GAREM1: variants seen among roughly 807,000 people sequenced by gnomAD.
GAREM1 encodes the protein GRB2 associated regulator of MAPK1 subtype 1.
In GAREM1, 26 loss-of-function variants were observed where a neutral mutation model predicts 71.3. That is an observed-to-expected ratio of 0.36 (90% CI 0.27 to 0.51). GAREM1 has a LOEUF of 0.51. Ranked by LOEUF, GAREM1 falls within the 20% of genes least tolerant of loss-of-function variation. The pLI, the probability that GAREM1 is intolerant of heterozygous loss-of-function variation, is 0.95. For missense variants in GAREM1, 1,026 were observed against 1,103.1 expected, an observed-to-expected ratio of 0.93 and a Z score of 0.99; for synonymous variants, 440 against 433.2, an observed-to-expected ratio of 1.02 and a Z score of -0.20.
chr18:32,270,728 A>G (rs2041448753), intron 4 of GAREM1, among the ~76,000 whole-genome samples: 1 of 152,160 alleles, frequency 6.6e-6, no homozygotes, highest in African/African-American at 2.4e-5. Flanking sequence ...AAGAGGAAGT[A>G]TTAAGAAAAT....
At chr18:32,359,893 TC>T (rs2144607464) in intron 2 of GAREM1, among the ~76,000 whole-genome samples, 1 of 151,958 alleles carries the variant, frequency 6.6e-6, no homozygotes, top group South Asian at 2.1e-4. Flanking sequence ...ACCACCACAC[TC>T]CAGCCTGGGC....
intron 1 of GAREM1, among the ~76,000 whole-genome samples, chr18:32,457,000 AT>A (rs1599061838): frequency 6.6e-6 from 1 of 152,116 alleles, no homozygotes; most frequent in East Asian, 1.9e-4. Context: ...TGTAATAGCG[AT>A]GTAGGATTCT....
intron 2 of GAREM1, among the ~76,000 whole-genome samples, chr18:32,388,736 A>T (rs77165912): frequency 0.033 from 5,099 of 152,254 alleles, 134 homozygotes; most frequent in East Asian, 0.11. Flanking sequence ...AAAGACAAAG[A>T]CGGCTGAGGA....
At chr18:32,418,982 C>G (rs1025272355) in intron 1 of GAREM1, among the ~76,000 whole-genome samples, 2 of 152,206 alleles carry the variant, frequency 1.3e-5, no homozygotes, top group African/African-American at 4.8e-5. Flanking sequence ...GAAATCAAGG[C>G]GTCAGCTGGC....
At chr18:32,344,132 A>G (rs1375783533) in intron 2 of GAREM1, among the ~76,000 whole-genome samples, 1 of 152,176 alleles carries the variant, frequency 6.6e-6, no homozygotes, top group African/African-American at 2.4e-5. Context: ...CCTCTGCATT[A>G]CAGTCACAGA....
In GAREM1 at chr18:32,470,223, T is replaced by G. The variant is rs1049099292; in HGVS notation, c.121+85A>C. On this transcript the variant is annotated intron_variant, in intron 1 of 5. Transcript: ENST00000269209. The surrounding 1 kb of genome is among the most constrained non-coding windows in gnomAD (Gnocchi z 4.4). ...GGGCGGGCAGCCCACTCCCCGCGGG[T>G]CCCACCCTCTCCAGCACACGCGCGC... 44 of 1,315,140 alleles carry G rather than the reference T, an allele frequency of 3.3e-5. No individual in the cohort carries two copies. Among genetic ancestry groups the G allele is most frequent in the Non-Finnish European group, 3.8e-5 (39 of 1,023,982 alleles). The allele number at this position is 1,315,140 out of a possible 1,614,324, so 81.5% of individuals were successfully genotyped here. A position where few individuals can be genotyped will look rare whatever the true frequency, so the allele number is the denominator to read the frequency against.
At chr18:32,291,095 A>T (rs2144478587) in intron 3 of GAREM1, among the ~76,000 whole-genome samples, 1 of 152,316 alleles carries the variant, frequency 6.6e-6, no homozygotes, top group East Asian at 1.9e-4. Context: ...AAATGCTTAA[A>T]TATAGGAGGC....
intron 4 of GAREM1, among the ~76,000 whole-genome samples, chr18:32,285,485 A>G (rs2047004475): frequency 6.6e-6 from 1 of 152,118 alleles, no homozygotes. Context: ...TCCCTCTTAC[A>G]TGCTTAAAGC....
chr18:32,414,294 A>G (rs938994869), intron 1 of GAREM1, among the ~76,000 whole-genome samples: 3 of 152,140 alleles, frequency 2.0e-5, no homozygotes, highest in African/African-American at 7.2e-5. Flanking sequence ...TCCAGTGACT[A>G]TTTTCTAAAC....
intron 2 of GAREM1, among the ~76,000 whole-genome samples, chr18:32,336,405 G>C (rs1365537184): frequency 6.7e-6 from 1 of 149,102 alleles, no homozygotes; most frequent in Non-Finnish European, 1.5e-5. Flanking sequence ...ACTCCAGCCT[G>C]GGCAACAGAG....
At chr18:32,363,493 A>G (rs1285687442) in intron 2 of GAREM1, among the ~76,000 whole-genome samples, 1 of 152,154 alleles carries the variant, frequency 6.6e-6, no homozygotes, top group Non-Finnish European at 1.5e-5. Flanking sequence ...TTTCTTTTGC[A>G]TTTCCCTGAT....
At position 32,364,012 on chromosome 18, in the gene GAREM1, ATATATATATATATATGTTTTTTTTT is replaced by A. The variant is rs1248750221; in HGVS notation, c.262+28858_262+28882del. On this transcript the variant is annotated intron_variant, in intron 2 of 5. Coordinates refer to ENST00000269209, the MANE Select transcript of GAREM1 (RefSeq NM_001242409.2). The stretch of plus-strand genomic sequence containing the variant: ...CATATATACATATATATATATATAT[ATATATATATATATATGTTTTTTTTT>A]TTTTTTTTTTTTTGTGAGACACAGC... Among the ~76,000 whole-genome samples the A allele has an allele frequency of 2.1e-4, 11 of 51,466 alleles. 1 individual carries two copies. Among genetic ancestry groups the A allele is most frequent in the African/African-American group, 1.2e-3 (11 of 8,814 alleles). 33.8% of individuals were successfully genotyped at this position (51,466 alleles called of 152,430 possible). A position where few individuals can be genotyped will look rare whatever the true frequency, so the allele number is the denominator to read the frequency against.
At chr18:32,371,306 A>G (rs912458846) in intron 2 of GAREM1, among the ~76,000 whole-genome samples, 10 of 152,194 alleles carry the variant, frequency 6.6e-5, no homozygotes, top group African/African-American at 2.4e-4. Flanking sequence ...GCCAAAAGTT[A>G]GAGGTGGATA....
At chr18:32,460,599 T>A (rs536840818) in intron 1 of GAREM1, among the ~76,000 whole-genome samples, 1 of 152,230 alleles carries the variant, frequency 6.6e-6, no homozygotes, top group Non-Finnish European at 1.5e-5. Flanking sequence ...CAGACACTAC[T>A]GTTTCAAGTC....
chr18:32,420,865 T>C (rs1160646593), intron 1 of GAREM1, among the ~76,000 whole-genome samples: 1 of 152,182 alleles, frequency 6.6e-6, no homozygotes, highest in Non-Finnish European at 1.5e-5. Context: ...CTGTCTTCAT[T>C]ACAGAGAATC....
intron 1 of GAREM1, among the ~76,000 whole-genome samples, chr18:32,461,194 T>C (rs953702936): frequency 2.6e-5 from 4 of 152,206 alleles, no homozygotes; most frequent in Non-Finnish European, 5.9e-5. Context: ...TCTTGGACCT[T>C]ATAATTTTTA....
chr18:32,430,265 T>G (rs1020372430), intron 1 of GAREM1, among the ~76,000 whole-genome samples: 1 of 152,152 alleles, frequency 6.6e-6, no homozygotes, highest in African/African-American at 2.4e-5. Context: ...ATCAACTATA[T>G]TACAAATGAA....
chr18:32,412,379 G>C lies in GAREM1; in HGVS notation c.122-19344C>G. 12 of 1,589,386 alleles carry C rather than the reference G, an allele frequency of 7.6e-6. No individual in the cohort carries two copies. In the South Asian group the frequency reaches 1.2e-4, roughly 16 times the overall value. ...GTCCAAAATTTGAAGACTGATTGTTGTAATTGCCAAAATCATTGTAGCTTC... is the reference window on the plus strand; with the variant it reads ...GTCCAAAATTTGAAGACTGATTGTTCTAATTGCCAAAATCATTGTAGCTTC... On this transcript the variant is annotated intron_variant, in intron 1 of 5. Transcript: ENST00000269209.
chr18:32,364,723 T>C (rs961753795), intron 2 of GAREM1, among the ~76,000 whole-genome samples: 10 of 152,332 alleles, frequency 6.6e-5, no homozygotes, highest in South Asian at 4.1e-4. Context: ...GCCTGTAGCA[T>C]TGATGTACAG....
Sources: allele counts gnomAD v4.1 joint callset (sites outside exome capture counted in the v4.1 genomes callset), GRCh38; gene constraint gnomAD v4.1.1; non-coding constraint Gnocchi (gnomAD v3.1); transcripts MANE v1.5; gene names NCBI Gene and HGNC (gene_info 2026-07-23, HGNC 2026-07-21).